ITPR1: variants seen among roughly 807,000 people sequenced by gnomAD.
The protein encoded by ITPR1 is inositol 1,4,5-trisphosphate receptor type 1, also known as inositol 1,4,5-trisphosphate-gated calcium channel ITPR1.
Under a neutral mutation model 318.4 loss-of-function variants are expected in ITPR1, and 96 were observed. The ratio of observed to expected loss-of-function variants is 0.30; its 90% confidence interval spans 0.26 to 0.36. The LOEUF (loss-of-function observed/expected upper bound fraction) is 0.36, where lower values mean the gene tolerates loss of function less well. Among genes scored for constraint, ITPR1 ranks in the 10% least tolerant of loss-of-function variants. The probability of loss-of-function intolerance (pLI) is 1.00; values close to 1 mark genes in which losing one functional copy is unlikely to be tolerated. For missense variants in ITPR1, 2,440 were observed against 3,460.2 expected, an observed-to-expected ratio of 0.71 and a Z score of 7.40; for synonymous variants, 1,312 against 1,289.9, an observed-to-expected ratio of 1.02 and a Z score of -0.37.
Position 4,526,453 on chromosome 3 carries a change from C to T in ITPR1, c.163+5359C>T, listed in dbSNP as rs114315982. 4.4e-3 allele frequency among the ~76,000 whole-genome samples: 668 copies of T among 152,320 alleles called. 7 individuals carry two copies. The highest frequency in any genetic ancestry group is 6.0e-3 in the Non-Finnish European group (411 of 68,022). ...ATGTATTGTGAAAAATGAGTGTTGA[C>T]CTCCAGCGCTGAGGCCCTACTGTGT... is the stretch of plus-strand genomic sequence containing the variant. On this transcript the variant is annotated intron_variant, in intron 4 of 61. Transcript: ENST00000649015.
intron 2 of ITPR1, among the ~76,000 whole-genome samples, chr3:4,501,383 C>T (rs1392623533): frequency 6.6e-6 from 1 of 152,190 alleles, no homozygotes; most frequent in East Asian, 1.9e-4. Context: ...GTCCCCAGAC[C>T]AGCGTTACTG....
At chr3:4,804,087 G>A (rs1313657142) in intron 54 of ITPR1, among the ~76,000 whole-genome samples, 1 of 152,154 alleles carries the variant, frequency 6.6e-6, no homozygotes, top group African/African-American at 2.4e-5. Flanking sequence ...GCCCAGGCTG[G>A]TCGCGAACTC....
chr3:4,710,190 G>A lies in ITPR1; in HGVS notation c.4843-135G>A. On this transcript the variant is annotated intron_variant, in intron 37 of 61. Transcript: ENST00000649015. This position sits in a 1 kb window ranked among gnomAD's most constrained non-coding sequence, Gnocchi z 4.2. Reference sequence around the variant, plus strand: ...CATTGGGCAATGTCTAATAATTTGAGATGCCAGACGGTACTAAAGTTACTC... The same window carrying A: ...CATTGGGCAATGTCTAATAATTTGAAATGCCAGACGGTACTAAAGTTACTC... 1 of 709,688 alleles carries A rather than the reference G, an allele frequency of 1.4e-6. No individual in the cohort carries two copies. Among genetic ancestry groups the A allele is most frequent in the Non-Finnish European group, 2.0e-6 (1 of 488,660 alleles). The allele number at this position is 709,688 out of a possible 1,614,324, so 44.0% of individuals were successfully genotyped here.
chr3:4,784,554 T>C (rs1194588531), intron 51 of ITPR1, among the ~76,000 whole-genome samples: 1 of 149,946 alleles, frequency 6.7e-6, no homozygotes, highest in Non-Finnish European at 1.5e-5. Context: ...TACAATCAGA[T>C]CTGTGTTTTT....
chr3:4,635,258 T>G (rs962261104), intron 5 of ITPR1, among the ~76,000 whole-genome samples: 1 of 152,250 alleles, frequency 6.6e-6, no homozygotes, highest in Non-Finnish European at 1.5e-5. Context: ...GTCAATGTTA[T>G]GTTGAGTGAA....
At chr3:4,658,315 G>A (rs774795584) in intron 13 of ITPR1, 37 bp downstream of exon 13, 2 of 1,578,852 alleles carry the variant, frequency 1.3e-6, no homozygotes, top group South Asian at 2.3e-5. Context: ...AAAGAATCAG[G>A]CCTGGTGTAG....
At chr3:4,809,608 T>C (rs955920164) in intron 55 of ITPR1, among the ~76,000 whole-genome samples, 80 of 152,240 alleles carry the variant, frequency 5.3e-4, no homozygotes, top group African/African-American at 1.9e-3. Context: ...TGCTTTTTTT[T>C]GTTTTCCAAG....
chr3:4,647,933 C>T (rs182816785), intron 10 of ITPR1, among the ~76,000 whole-genome samples: 6 of 152,286 alleles, frequency 3.9e-5, no homozygotes, highest in African/African-American at 1.4e-4. Context: ...GGGTGGATCA[C>T]CTGAGGTCGG....
chr3:4,595,928 T>G (rs1457448395), intron 4 of ITPR1: 4 of 152,184 alleles, frequency 2.6e-5, no homozygotes, highest in African/African-American at 9.7e-5. Context: ...CTGTATGTTT[T>G]TCTTTGAAAC....
At chr3:4,616,121 G>T (rs2092379440) in intron 4 of ITPR1, among the ~76,000 whole-genome samples, 1 of 152,176 alleles carries the variant, frequency 6.6e-6, no homozygotes, top group South Asian at 2.1e-4. Flanking sequence ...GTTTCCTCTT[G>T]TACTGAACTG....
intron 4 of ITPR1, among the ~76,000 whole-genome samples, chr3:4,576,744 T>C (rs1317993705): frequency 6.6e-6 from 1 of 152,238 alleles, no homozygotes; most frequent in Non-Finnish European, 1.5e-5. Context: ...AATGAAAATA[T>C]AATTCTTGAA....
intron 4 of ITPR1, among the ~76,000 whole-genome samples, chr3:4,555,368 C>A (rs1298186505): frequency 2.0e-5 from 3 of 152,158 alleles, no homozygotes; most frequent in African/African-American, 7.2e-5. Flanking sequence ...TGGTGTGTAT[C>A]TTTCCAGGAT....
chr3:4,779,652 C>A lies in ITPR1; in HGVS notation c.6387+7C>A. 6.3e-7 allele frequency: 1 copy of A among 1,588,942 alleles called. No homozygotes were observed. Among genetic ancestry groups the A allele is most frequent in the South Asian group, 1.1e-5 (1 of 90,382 alleles). On this transcript the variant is annotated splice_region_variant and intron_variant, in intron 49 of 61. Coordinates refer to ENST00000649015, the MANE Select transcript of ITPR1 (RefSeq NM_001378452.1). This position sits in a 1 kb window ranked among gnomAD's most constrained non-coding sequence, Gnocchi z 4.0. The stretch of plus-strand genomic sequence containing the variant: ...CATGAGGCCCAAGGAACTGGTGAGT[C>A]GGGTGACGGATCTGATGGTAGCACC...
intron 5 of ITPR1, among the ~76,000 whole-genome samples, chr3:4,638,339 T>C (rs2093252511): frequency 6.6e-6 from 1 of 152,222 alleles, no homozygotes; most frequent in Non-Finnish European, 1.5e-5. Context: ...GGGAGATGGG[T>C]TGGGATAACA....
intron 24 of ITPR1, among the ~76,000 whole-genome samples, chr3:4,679,445 T>G (rs570918829): frequency 2.0e-5 from 3 of 152,272 alleles, no homozygotes; most frequent in African/African-American, 7.2e-5. Context: ...GGTGTAACTC[T>G]CAGTCTGAGG....
chr3:4,791,452 A>G (rs1379182999), intron 52 of ITPR1, among the ~76,000 whole-genome samples: 1 of 152,152 alleles, frequency 6.6e-6, no homozygotes, highest in Non-Finnish European at 1.5e-5. Flanking sequence ...AGTTCACAAT[A>G]GGGTTCACAC....
In ITPR1 at chr3:4,691,134, C is replaced by T. The variant is rs1442101205; in HGVS notation, c.3829-10C>T. On this transcript the variant is annotated splice_polypyrimidine_tract_variant and intron_variant, in intron 31 of 61. Coordinates refer to ENST00000649015, the MANE Select transcript of ITPR1 (RefSeq NM_001378452.1). Reference sequence around the variant, plus strand: ...TTGTCCCTGTGCTCTTTTCCTCACTCTTGTGCCAGATCCTGGAGGCAGTAA... The same window carrying T: ...TTGTCCCTGTGCTCTTTTCCTCACTTTTGTGCCAGATCCTGGAGGCAGTAA... The T allele has an allele frequency of 6.3e-7, 1 of 1,598,108 alleles. No individual in the cohort carries two copies. The highest frequency in any genetic ancestry group is 1.3e-5 in the African/African-American group (1 of 74,780).
At chr3:4,566,051 TC>T (rs2087217063) in intron 4 of ITPR1, among the ~76,000 whole-genome samples, 1 of 152,164 alleles carries the variant, frequency 6.6e-6, no homozygotes, top group Non-Finnish European at 1.5e-5. Flanking sequence ...GGTAGCCAAA[TC>T]CCTGTACAAC....
chr3:4,622,167 T>G (rs1575764132), intron 4 of ITPR1, among the ~76,000 whole-genome samples: 1 of 143,986 alleles, frequency 6.9e-6, no homozygotes, highest in South Asian at 2.2e-4. Flanking sequence ...CAGGCTGGAG[T>G]GCAGTGGCGT....
Sources: allele counts gnomAD v4.1 joint callset (sites outside exome capture counted in the v4.1 genomes callset), GRCh38; gene constraint gnomAD v4.1.1; non-coding constraint Gnocchi (gnomAD v3.1); transcripts MANE v1.5; gene names NCBI Gene and HGNC (gene_info 2026-07-23, HGNC 2026-07-21).